The following FOXM1 variants were observed in gnomAD, a reference collection of about 807,000 sequenced individuals.
FOXM1 encodes the protein forkhead box protein M1.
A neutral mutation model predicts 63.6 loss-of-function variants in FOXM1; 25 were observed. The observed-to-expected ratio is 0.39, with a 90% CI of 0.29 to 0.55. The LOEUF (loss-of-function observed/expected upper bound fraction) is 0.55, where lower values mean the gene tolerates loss of function less well. Ranked by LOEUF, FOXM1 falls within the 20% of genes least tolerant of loss-of-function variation. The probability of loss-of-function intolerance (pLI) is 0.60; values close to 1 mark genes in which losing one functional copy is unlikely to be tolerated. For missense variants in FOXM1, 879 were observed against 958.7 expected (o/e 0.92, Z 1.10); for synonymous variants, 387 against 376.9 (o/e 1.03, Z -0.31).
In FOXM1 at chr12:2,864,795, C is replaced by T. The variant is rs1318516037; in HGVS notation, c.1021-43G>A. The T allele has an allele frequency of 6.2e-7, 1 of 1,605,618 alleles. No homozygotes were observed. ...GGAGAGAAAGAAACCTATGTTAACA[C>T]AATAAGGTAAAGAGGGGATGGCAAA... On this transcript the variant is annotated intron_variant, in intron 6 of 8. Coordinates refer to ENST00000359843, the MANE Select transcript of FOXM1 (RefSeq NM_021953.4). This position sits in a 1 kb window ranked among gnomAD's most constrained non-coding sequence, Gnocchi z 5.1.
intron 4 of FOXM1, among the ~76,000 whole-genome samples, chr12:2,868,038 C>G (rs892773204): frequency 1.3e-5 from 2 of 150,626 alleles, no homozygotes; most frequent in Admixed American, 1.3e-4. Flanking sequence ...GCACACTTGA[C>G]TTGGAATTGA....
chr12:2,874,391 C>T lies in FOXM1; in HGVS notation c.88G>A (p.Glu30Lys). The T allele has an allele frequency of 6.2e-7, 1 of 1,614,086 alleles. No homozygotes were observed. The highest frequency in any genetic ancestry group is 8.5e-7 in the Non-Finnish European group (1 of 1,180,034). Residue 30 changes from glutamate to lysine, a missense_variant, in exon 2 of 9, where the codon GAG (glutamate) becomes AAG (lysine). This residue lies in a region of FOXM1 where 255 missense variants were observed against 292.4 expected (regional missense o/e 0.87). Transcript: ENST00000359843. This position sits in a 1 kb window ranked among gnomAD's most constrained non-coding sequence, Gnocchi z 4.3. ...VQNAPSETSE[E>K]EPKRSPAQQE... ...TGGGCAGGGGATCTCTTAGGTTCCTCCTCTGATGTTTCACTTGGGGCATTT... is the reference window on the plus strand; with the variant it reads ...TGGGCAGGGGATCTCTTAGGTTCCTTCTCTGATGTTTCACTTGGGGCATTT...
intron 4 of FOXM1, among the ~76,000 whole-genome samples, chr12:2,867,200 C>T (rs2098124719): frequency 1.3e-5 from 2 of 151,904 alleles, no homozygotes; most frequent in Admixed American, 6.6e-5. Context: ...TGTGGTGGCT[C>T]ACGCCTGTAA....
In FOXM1 at chr12:2,858,819, G is replaced by A. The variant is rs1411714091; in HGVS notation, c.2111C>T (p.Ser704Phe). The A allele has an allele frequency of 6.2e-7, 1 of 1,614,234 alleles. No homozygotes were observed. ...AAGGCCAGAAACCTGTGGCTCCGGG[G>A]AGCCTGGCTTGGGGACGTCTATATC... ...PSDIDVPKPG[S>F]PEPQVSGLAA... is the part of the protein sequence containing the mutation. The change falls in exon 9 of 9, where the codon TCC (serine) becomes TTC (phenylalanine). Residue 704 changes from serine to phenylalanine, a missense_variant. Ser to Phe is a radical substitution (Grantham distance 155). Coordinates refer to ENST00000359843, the MANE Select transcript of FOXM1 (RefSeq NM_021953.4).
intron 3 of FOXM1, among the ~76,000 whole-genome samples, chr12:2,869,343 C>T (rs1428456989): frequency 6.6e-6 from 1 of 152,142 alleles, no homozygotes; most frequent in Non-Finnish European, 1.5e-5. Flanking sequence ...GATCACAGCT[C>T]ACTGCAGCCT....
chr12:2,873,930 G>A, intron 2 of FOXM1, 47 bp downstream of exon 2: 2 of 1,567,860 alleles, frequency 1.3e-6, no homozygotes, highest in Middle Eastern at 2.0e-4. Flanking sequence ...TGCCACTACA[G>A]AGGAAAGGCT....
At chr12:2,871,195 CTAAAA>C (rs1320856341) in intron 3 of FOXM1, among the ~76,000 whole-genome samples, 2 of 151,418 alleles carry the variant, frequency 1.3e-5, no homozygotes, top group African/African-American at 4.9e-5. Flanking sequence ...CCCCCTGAAC[CTAAAA>C]TAAAAGTTGA....
At chr12:2,867,713 T>C (rs1603500997) in intron 4 of FOXM1, among the ~76,000 whole-genome samples, 2 of 149,558 alleles carry the variant, frequency 1.3e-5, no homozygotes, top group South Asian at 2.1e-4. Flanking sequence ...TGGTGGCTCA[T>C]GCCTGTAATC....
chr12:2,865,516 C>G, intron 5 of FOXM1, 117 bp from the exon 6 acceptor site: 1 of 733,606 alleles, frequency 1.4e-6, no homozygotes, highest in Non-Finnish European at 2.2e-6. Context: ...ACACCCCAGA[C>G]AACTGCCCCT....
At position 2,864,860 on chromosome 12, in the gene FOXM1, G is replaced by A; in HGVS notation, c.1021-108C>T. 7.8e-7 allele frequency: 1 copy of A among 1,276,908 alleles called. No homozygotes were observed. Among genetic ancestry groups the A allele is most frequent in the South Asian group, 1.2e-5 (1 of 83,706 alleles). The allele number at this position is 1,276,908 out of a possible 1,614,324, so 79.1% of individuals were successfully genotyped here. ...TCTGGTGGTGTGTGCTTGAGTTAAT[G>A]ACAGCCCAGAGAGAGGAGGCCAACC... On this transcript the variant is annotated intron_variant, in intron 6 of 8. Coordinates refer to ENST00000359843, the MANE Select transcript of FOXM1 (RefSeq NM_021953.4). This position sits in a 1 kb window ranked among gnomAD's most constrained non-coding sequence, Gnocchi z 5.1.
intron 3 of FOXM1, among the ~76,000 whole-genome samples, chr12:2,870,957 C>CAAAAAAAAA (rs11310343): frequency 2.0e-4 from 8 of 39,126 alleles, no homozygotes; most frequent in African/African-American, 7.1e-4. Context: ...GACTACGTCT[C>CAAAAAAAAA]AAAAAAAAAA....
At chr12:2,868,914 G>A (rs1198810991) in intron 3 of FOXM1, among the ~76,000 whole-genome samples, 160 bp from the exon 4 acceptor site, 3 of 152,194 alleles carry the variant, frequency 2.0e-5, no homozygotes, top group Non-Finnish European at 4.4e-5. Flanking sequence ...TTAGAGTTGG[G>A]AAGAATCTTG....
chr12:2,870,729 G>A (rs1391644725), intron 3 of FOXM1, among the ~76,000 whole-genome samples: 1 of 151,472 alleles, frequency 6.6e-6, no homozygotes, highest in Non-Finnish European at 1.5e-5. Flanking sequence ...GGAAGGCCAA[G>A]GCAGGTGGAT....
intron 3 of FOXM1, among the ~76,000 whole-genome samples, chr12:2,870,402 C>T (rs992977519): frequency 3.9e-5 from 6 of 152,204 alleles, no homozygotes; most frequent in Non-Finnish European, 7.3e-5. Context: ...CGGTGGCTCA[C>T]GCCTGTAATC....
At chr12:2,866,610 C>T in intron 4 of FOXM1, 89 bp from the exon 5 acceptor site, 2 of 1,368,628 alleles carry the variant, frequency 1.5e-6, no homozygotes, top group Non-Finnish European at 9.7e-7. Flanking sequence ...GCCTCAGGCC[C>T]CTCCCACTGT....
chr12:2,870,085 G>A (rs1210752049), intron 3 of FOXM1, among the ~76,000 whole-genome samples: 1 of 151,406 alleles, frequency 6.6e-6, no homozygotes. Context: ...CTGCCTCCTG[G>A]GTTCAAGTGA....
At position 2,872,258 on chromosome 12, in the gene FOXM1, A is replaced by G. The variant is rs748172002; in HGVS notation, c.503-11T>C. 2 of 1,613,802 alleles carry G rather than the reference A, an allele frequency of 1.2e-6. No individual in the cohort carries two copies. The highest frequency in any genetic ancestry group is 4.5e-5 in the East Asian group (2 of 44,880). ...CTGCCTCACCATCTGCTAGAGGGAA[A>G]ATAATCCAACACCCCACTTAGCTGC... On this transcript the variant is annotated splice_polypyrimidine_tract_variant and intron_variant, in intron 2 of 8. Coordinates refer to ENST00000359843, the MANE Select transcript of FOXM1 (RefSeq NM_021953.4). The surrounding 1 kb of genome is among the most constrained non-coding windows in gnomAD (Gnocchi z 4.0).
At chr12:2,860,443 C>T (rs1361133259) in intron 8 of FOXM1, among the ~76,000 whole-genome samples, 1 of 151,900 alleles carries the variant, frequency 6.6e-6, no homozygotes, top group Non-Finnish European at 1.5e-5. Context: ...GCCTTCATTA[C>T]ACCACTGCAC....
At chr12:2,866,994 A>T (rs1351363535) in intron 4 of FOXM1, among the ~76,000 whole-genome samples, 1 of 152,082 alleles carries the variant, frequency 6.6e-6, no homozygotes, top group Non-Finnish European at 1.5e-5. Context: ...CTCTATCAAA[A>T]ATATAAAAAT....
Sources: allele counts gnomAD v4.1 joint callset (sites outside exome capture counted in the v4.1 genomes callset), GRCh38; gene constraint gnomAD v4.1.1; regional missense constraint gnomAD v4.1.1; non-coding constraint Gnocchi (gnomAD v3.1); transcripts MANE v1.5; gene names NCBI Gene and HGNC (gene_info 2026-07-23, HGNC 2026-07-21).